Variants in PARP4 observed in about 807,000 individuals in gnomAD.
PARP4 encodes the protein poly(ADP-ribose) polymerase family member 4.
A neutral mutation model predicts 187.7 loss-of-function variants in PARP4; 120 were observed. The ratio of observed to expected loss-of-function variants is 0.64; its 90% CI spans 0.55 to 0.74. The LOEUF (loss-of-function observed/expected upper bound fraction) is 0.74. PARP4 is among the 30% of genes least tolerant of loss of function. The pLI is 0.00. For missense variants in PARP4, 1,836 were observed against 2,070.5 expected (o/e 0.89, Z 2.20); for synonymous variants, 654 against 740.9 (o/e 0.88, Z 1.90).
At chr13:24,463,450 G>T (rs945028216) in intron 17 of PARP4, among the ~76,000 whole-genome samples, 1 of 151,918 alleles carries the variant, frequency 6.6e-6, no homozygotes, top group Non-Finnish European at 1.5e-5. Context: ...CACCAGAAAC[G>T]GTAAAAATGT....
intron 5 of PARP4, among the ~76,000 whole-genome samples, chr13:24,499,071 G>A (rs1285906616): frequency 6.6e-6 from 1 of 152,140 alleles, no homozygotes; most frequent in African/African-American, 2.4e-5. Context: ...GGCTAAGGAG[G>A]GAGGATGGCT....
chr13:24,458,852 A>C (rs1872030934), intron 20 of PARP4, among the ~76,000 whole-genome samples, 192 bp downstream of exon 20: 1 of 152,228 alleles, frequency 6.6e-6, no homozygotes, highest in African/African-American at 2.4e-5. Context: ...AAAATCAAAG[A>C]AACAGCTCAA....
chr13:24,433,793 C>A (rs1870465245), intron 31 of PARP4, among the ~76,000 whole-genome samples: 1 of 152,284 alleles, frequency 6.6e-6, no homozygotes, highest in African/African-American at 2.4e-5. Context: ...TACTTTTATA[C>A]TACATCAAGC....
chr13:24,469,350 TG>T lies in PARP4; in HGVS notation c.2047-241del, dbSNP rs1469917362. Among the ~76,000 whole-genome samples, 14 of 152,326 alleles carry T rather than the reference TG, an allele frequency of 9.2e-5. 1 individual carries two copies. In the East Asian group the frequency reaches 2.3e-3, roughly 25 times the overall value. On this transcript the variant is annotated intron_variant, in intron 16 of 33. Transcript: ENST00000381989. ...GATCAAAATATTTCAGAATCAATAG[TG>T]AAAAAAATTTTTCTGGTTGGGAGTT...
chr13:24,491,881 C>CA (rs1312958999), intron 9 of PARP4, among the ~76,000 whole-genome samples: 2 of 152,150 alleles, frequency 1.3e-5, no homozygotes, highest in African/African-American at 4.8e-5. Context: ...CTATGTGACA[C>CA]AAAAAGAACT....
chr13:24,466,196 A>G (rs1872458080), intron 17 of PARP4, among the ~76,000 whole-genome samples: 1 of 152,066 alleles, frequency 6.6e-6, no homozygotes, highest in Non-Finnish European at 1.5e-5. Context: ...TAATTTTTTT[A>G]TTTTTTGAGA....
chr13:24,422,655 C>T lies in PARP4; in HGVS notation c.4980-1341G>A, dbSNP rs1208246240. On this transcript the variant is annotated intron_variant, in intron 33 of 33. Coordinates refer to ENST00000381989, the MANE Select transcript of PARP4 (RefSeq NM_006437.4). Reference sequence around the variant, plus strand: ...GATGGAGTCTCACTGTGTCGCCAGGCTGGAGTGCAGGGACACGATCTCGGT... The same window carrying T: ...GATGGAGTCTCACTGTGTCGCCAGGTTGGAGTGCAGGGACACGATCTCGGT... Among the ~76,000 whole-genome samples, 4 of 152,060 alleles carry T rather than the reference C, an allele frequency of 2.6e-5. No homozygotes were observed. In the East Asian group the frequency reaches 7.7e-4, roughly 29 times the overall value.
chr13:24,459,306 G>T lies in PARP4; in HGVS notation c.2303C>A (p.Thr768Lys). The T allele has an allele frequency of 1.3e-6, 2 of 1,557,880 alleles. No individual in the cohort carries two copies. Among genetic ancestry groups the T allele is most frequent in the Non-Finnish European group, 8.7e-7 (1 of 1,144,564 alleles). ...TTCTTTTATACAAATCTTCTCTACTGTATCCTGTTAAAAGAAAAATACATT... is the reference window on the plus strand; with the variant it reads ...TTCTTTTATACAAATCTTCTCTACTTTATCCTGTTAAAAGAAAAATACATT... ...DKALNENLQDTVEKICIKEIG... is the reference protein window; with the variant it reads ...DKALNENLQDKVEKICIKEIG... Residue 768 changes from threonine (T) to lysine (K), a missense_variant, in exon 19 of 34, where the codon ACA becomes AAA. Physicochemically the swap from Thr to Lys is moderately conservative, Grantham distance 78 (BLOSUM62 -1). This residue lies in a region of PARP4 where 1,147 missense variants were observed against 1,214.2 expected (regional missense o/e 0.94). Coordinates refer to ENST00000381989, the MANE Select transcript of PARP4 (RefSeq NM_006437.4).
intron 21 of PARP4, among the ~76,000 whole-genome samples, chr13:24,455,849 C>T (rs548391502): frequency 2.0e-5 from 3 of 152,006 alleles, no homozygotes; most frequent in African/African-American, 7.2e-5. Flanking sequence ...TTTCAAACTC[C>T]TGAGCTCAAG....
At chr13:24,449,470 C>A (rs1175671814) in intron 25 of PARP4, among the ~76,000 whole-genome samples, 1 of 149,968 alleles carries the variant, frequency 6.7e-6, no homozygotes, top group Non-Finnish European at 1.5e-5. Context: ...TTTAATAATT[C>A]ACTTTAAAAA....
chr13:24,443,765 C>T (rs1871071131), intron 27 of PARP4, 35 bp from the exon 28 acceptor site: 4 of 1,421,458 alleles, frequency 2.8e-6, no homozygotes, highest in Admixed American at 1.7e-5. Context: ...AAAATATTCA[C>T]ATGGCTTCTA....
chr13:24,489,211 G>A (rs1177729245), intron 10 of PARP4, among the ~76,000 whole-genome samples: 2 of 152,122 alleles, frequency 1.3e-5, no homozygotes, highest in East Asian at 1.9e-4. Context: ...TTAATTTGTT[G>A]AGGAATCATC....
intron 17 of PARP4, 24 bp from the exon 18 acceptor site, chr13:24,460,160 G>A (rs1008227384): frequency 6.2e-7 from 1 of 1,601,114 alleles, no homozygotes; most frequent in Non-Finnish European, 8.5e-7. Context: ...ATATGACTTA[G>A]CTTCCAACTT....
At chr13:24,506,538 C>A (rs919890453) in intron 1 of PARP4, among the ~76,000 whole-genome samples, 4 of 152,192 alleles carry the variant, frequency 2.6e-5, no homozygotes, top group Non-Finnish European at 4.4e-5. Context: ...TGTTTACAAT[C>A]CCTGAGCTAG....
At chr13:24,456,292 A>T in intron 21 of PARP4, 49 bp downstream of exon 21, 1 of 1,474,914 alleles carries the variant, frequency 6.8e-7, no homozygotes. Flanking sequence ...GCTTATTCTG[A>T]AACATTTTTT....
At position 24,460,105 on chromosome 13, in the gene PARP4, G is replaced by T; in HGVS notation, c.2165C>A (p.Pro722His). Residue 722 changes from proline to histidine, a missense_variant, in exon 18 of 34, where the codon CCC (proline) becomes CAC (histidine). This residue lies in a region of PARP4 where 1,147 missense variants were observed against 1,214.2 expected (regional missense o/e 0.94). Transcript: ENST00000381989. ...TTTTATAAGAACCTTAGCCTTAGGG[G>T]GTAAGTTTCCAACACTTACAGTAAA... ...DVFTVSVGNL[P>H]PKAKVLIKIT... 2 of 1,613,220 alleles carry T rather than the reference G, an allele frequency of 1.2e-6. No homozygotes were observed. Among genetic ancestry groups the T allele is most frequent in the South Asian group, 2.2e-5 (2 of 90,902 alleles).
intron 21 of PARP4, among the ~76,000 whole-genome samples, chr13:24,455,502 T>TC (rs1871783067): frequency 6.4e-5 from 9 of 140,088 alleles, no homozygotes; most frequent in Non-Finnish European, 1.1e-4. Flanking sequence ...TATATATATA[T>TC]ATATCACACT....
intron 17 of PARP4, 53 bp from the exon 18 acceptor site, chr13:24,460,189 T>C (rs1270001350): frequency 1.1e-5 from 16 of 1,485,588 alleles, no homozygotes; most frequent in Non-Finnish European, 1.3e-5. Context: ...ACCCATTATA[T>C]GCCAGCTAAC....
intron 33 of PARP4, among the ~76,000 whole-genome samples, chr13:24,422,272 T>C (rs895695605): frequency 6.6e-6 from 1 of 152,202 alleles, no homozygotes; most frequent in African/African-American, 2.4e-5. Flanking sequence ...TGCTTACTAG[T>C]CCCTAGTGCA....
Sources: allele counts gnomAD v4.1 joint callset (sites outside exome capture counted in the v4.1 genomes callset), GRCh38; gene constraint gnomAD v4.1.1; regional missense constraint gnomAD v4.1.1; transcripts MANE v1.5; gene names NCBI Gene and HGNC (gene_info 2026-07-23, HGNC 2026-07-21).